Variants in TTC3 observed in about 807,000 individuals in gnomAD.
TTC3 encodes the protein E3 ubiquitin-protein ligase TTC3.
A neutral mutation model predicts 249.6 loss-of-function variants in TTC3; 180 were observed. The ratio of observed to expected loss-of-function variants is 0.72; its 90% CI spans 0.64 to 0.82. The LOEUF is 0.82. Ranked by LOEUF, TTC3 falls within the 40% of genes least tolerant of loss-of-function variation. TTC3 has a pLI of 0.00. For missense variants in TTC3, 2,061 were observed against 2,398.4 expected, an observed-to-expected ratio of 0.86 and a Z score of 2.94; for synonymous variants, 717 against 805.0, an observed-to-expected ratio of 0.89 and a Z score of 1.85.
chr21:37,159,987 G>C (rs2080544572), intron 29 of TTC3, among the ~76,000 whole-genome samples: 1 of 152,208 alleles, frequency 6.6e-6, no homozygotes, highest in African/African-American at 2.4e-5. Flanking sequence ...AAGTTTCAGA[G>C]CTGATAAACA....
chr21:37,084,725 T>C (rs930873068), intron 1 of TTC3, among the ~76,000 whole-genome samples: 1 of 152,226 alleles, frequency 6.6e-6, no homozygotes, highest in African/African-American at 2.4e-5. Context: ...CCGGGTGCGG[T>C]GGCTCACGCC....
chr21:37,145,417 C>A (rs1293720648), intron 21 of TTC3, among the ~76,000 whole-genome samples: 5 of 152,150 alleles, frequency 3.3e-5, no homozygotes, highest in African/African-American at 9.7e-5. Flanking sequence ...ATCAGAGAAA[C>A]ACAAATCAAA....
chr21:37,159,614 T>C, intron 28 of TTC3, 85 bp from the exon 29 acceptor site: 1 of 1,413,482 alleles, frequency 7.1e-7, no homozygotes, highest in Admixed American at 1.9e-5. Context: ...GCCAGTAGTA[T>C]GAGGAGTTAT....
Position 37,192,231 on chromosome 21 carries a change from T to TC in TTC3, c.5217+18_5217+19insC. 9.2e-7 allele frequency: 1 copy of TC among 1,092,516 alleles called. No homozygotes were observed. The highest frequency in any genetic ancestry group is 1.9e-5 in the South Asian group (1 of 52,200). 67.7% of individuals were successfully genotyped at this position (1,092,516 alleles called of 1,614,324 possible). On this transcript the variant is annotated intron_variant, in intron 41 of 45. Coordinates refer to ENST00000355666, the Ensembl canonical transcript of TTC3. ...GTAACACGGTAAGTCTAGCACATCT[T>TC]TTTTTTTTTTTTAAACCATAATTCA...
At chr21:37,075,101 A>G (rs902327826) in intron 1 of TTC3, among the ~76,000 whole-genome samples, 3 of 150,734 alleles carry the variant, frequency 2.0e-5, no homozygotes, top group South Asian at 4.2e-4. Context: ...TCCATACACA[A>G]TATATATTAT....
chr21:37,095,486 C>A, intron 9 of TTC3, 42 bp downstream of exon 9: 1 of 1,301,618 alleles, frequency 7.7e-7, no homozygotes. Context: ...TTCTATGGCA[C>A]ATCAAGTTAG....
intron 4 of TTC3, 79 bp from the exon 5 acceptor site, chr21:37,088,720 G>A (rs1337197630): frequency 2.3e-6 from 3 of 1,285,946 alleles, no homozygotes; most frequent in Non-Finnish European, 3.2e-6. Context: ...AATGGTTTGA[G>A]ATATATAGCT....
chr21:37,073,498 C>G, intron 1 of TTC3, 25 bp downstream of exon 1: 1 of 985,384 alleles, frequency 1.0e-6, no homozygotes, highest in Non-Finnish European at 1.2e-6. Flanking sequence ...GTGCGCGTCT[C>G]CTCGCGTCCC....
chr21:37,201,714 T>C, exon 46 of TTC3: 1 of 1,115,806 alleles, frequency 9.0e-7, no homozygotes, highest in Non-Finnish European at 1.2e-6. Context: ...ATCGTTAATA[T>C]CGCTGATATT....
chr21:37,117,845 A>G (rs2058971798), intron 11 of TTC3, among the ~76,000 whole-genome samples: 1 of 151,254 alleles, frequency 6.6e-6, no homozygotes. Context: ...CAAAAAAAAA[A>G]AAAAAAAAGA....
intron 7 of TTC3, among the ~76,000 whole-genome samples, chr21:37,091,967 G>A (rs1368846524): frequency 6.6e-6 from 1 of 152,174 alleles, no homozygotes; most frequent in African/African-American, 2.4e-5. Context: ...AATTTTCACT[G>A]AATGGATATT....
chr21:37,178,893 T>A (rs890837683), intron 35 of TTC3, among the ~76,000 whole-genome samples: 1 of 151,686 alleles, frequency 6.6e-6, no homozygotes, highest in Non-Finnish European at 1.5e-5. Context: ...CCAGGGGTTT[T>A]GAGGCTACAG....
At chr21:37,167,809 A>T (rs868446563) in intron 34 of TTC3, among the ~76,000 whole-genome samples, 189 bp downstream of exon 34, 1 of 151,786 alleles carries the variant, frequency 6.6e-6, no homozygotes, top group Non-Finnish European at 1.5e-5. Context: ...GGAAAAGGTA[A>T]TTTTTTTCCA....
chr21:37,166,358 G>A lies in TTC3; in HGVS notation c.4144G>A (p.Ala1382Thr), dbSNP rs893541332. Residue 1382 changes from alanine to threonine, a missense_variant, in exon 33 of 46, where the codon GCT (alanine) becomes ACT (threonine). Ala to Thr is a moderately conservative substitution (Grantham distance 58). Coordinates refer to ENST00000355666, the Ensembl canonical transcript of TTC3. ...CAATGACAGAGCAGATAAAAATGCT[G>A]CTGCCTATTTTGAGGGTCATCATTT... 4 of 1,614,066 alleles carry A rather than the reference G, an allele frequency of 2.5e-6. No homozygotes were observed. The African/African-American group carries it at 4.0e-5, about 16-fold the overall frequency.
At chr21:37,073,265 C>T (rs1167492191), upstream of TTC3, 1 of 193,830 alleles carries the variant, frequency 5.2e-6, no homozygotes. Context: ...CCCGCTCCCT[C>T]CCGCCGTCGG....
chr21:37,098,983 G>A (rs558536780), intron 10 of TTC3: 5 of 152,268 alleles, frequency 3.3e-5, no homozygotes, highest in South Asian at 2.1e-4. Flanking sequence ...CCAGTTTGGC[G>A]AGGATGCACT....
chr21:37,087,517 A>T, intron 2 of TTC3, 116 bp downstream of exon 2: 1 of 1,287,348 alleles, frequency 7.8e-7, no homozygotes. Flanking sequence ...GGAGGTACAC[A>T]TGCTGTTGAA....
intron 45 of TTC3, 36 bp from the exon 46 acceptor site, chr21:37,201,404 T>A (rs1371009672): frequency 6.2e-7 from 1 of 1,612,486 alleles, no homozygotes; most frequent in Non-Finnish European, 8.5e-7. Flanking sequence ...CTCATGGTCC[T>A]GAAGGCATCT....
intron 35 of TTC3, among the ~76,000 whole-genome samples, chr21:37,174,731 G>A (rs2082087495): frequency 6.6e-6 from 1 of 152,192 alleles, no homozygotes; most frequent in Non-Finnish European, 1.5e-5. Context: ...GCACCTCCAT[G>A]TAGTAGCTTT....
Sources: allele counts gnomAD v4.1 joint callset (sites outside exome capture counted in the v4.1 genomes callset), GRCh38; gene constraint gnomAD v4.1.1; transcripts MANE v1.5; gene names NCBI Gene and HGNC (gene_info 2026-07-23, HGNC 2026-07-21).